The following HPSE2 variants were observed in gnomAD, a reference collection of about 807,000 sequenced individuals.
HPSE2 encodes heparanase 2 (inactive), also known as inactive heparanase-2.
In HPSE2, 38 loss-of-function variants were observed where a neutral mutation model predicts 60.5. The observed-to-expected ratio is 0.63, with a 90% CI of 0.48 to 0.82. HPSE2 has a LOEUF of 0.82. Ranked by LOEUF, HPSE2 falls within the 40% of genes least tolerant of loss-of-function variation. HPSE2 has a pLI of 0.00. For synonymous variants in HPSE2, 295 were observed against 293.2 expected (o/e 1.01, Z -0.06); for missense variants, 713 against 740.4 (o/e 0.96, Z 0.43).
At chr10:98,606,358 CT>C (rs1945586190) in intron 9 of HPSE2, among the ~76,000 whole-genome samples, 1 of 152,214 alleles carries the variant, frequency 6.6e-6, no homozygotes, top group Non-Finnish European at 1.5e-5. Context: ...ATCACTTGGA[CT>C]TTAAAAAAAT....
At chr10:98,791,696 C>A (rs1440741735) in intron 3 of HPSE2, among the ~76,000 whole-genome samples, 2 of 152,128 alleles carry the variant, frequency 1.3e-5, no homozygotes, top group African/African-American at 4.8e-5. Context: ...GCACTTATTT[C>A]TTTTCAAAAT....
chr10:98,598,656 C>A (rs1945313730), intron 9 of HPSE2, among the ~76,000 whole-genome samples: 1 of 152,118 alleles, frequency 6.6e-6, no homozygotes, highest in Non-Finnish European at 1.5e-5. Context: ...TGGGACAGGC[C>A]TGAAGCCTGA....
chr10:98,631,452 G>A (rs1324323441), intron 7 of HPSE2, among the ~76,000 whole-genome samples: 1 of 152,100 alleles, frequency 6.6e-6, no homozygotes, highest in South Asian at 2.1e-4. Context: ...ATTACTCTTC[G>A]TCTCTTTCCC....
At chr10:99,083,199 G>C (rs1843205062) in intron 3 of HPSE2, among the ~76,000 whole-genome samples, 1 of 152,158 alleles carries the variant, frequency 6.6e-6, no homozygotes, top group African/African-American at 2.4e-5. Flanking sequence ...TGGGACAAAG[G>C]AACAGCCTTA....
chr10:99,097,916 ACT>A (rs1213779561), intron 3 of HPSE2, among the ~76,000 whole-genome samples: 4 of 152,208 alleles, frequency 2.6e-5, no homozygotes, highest in Admixed American at 1.3e-4. Flanking sequence ...AGGAAAAGTC[ACT>A]GTCTCCTCAT....
chr10:98,715,338 T>G (rs563539440), intron 5 of HPSE2, among the ~76,000 whole-genome samples: 1 of 152,030 alleles, frequency 6.6e-6, no homozygotes, highest in Non-Finnish European at 1.5e-5. Flanking sequence ...AGCTTTTTCA[T>G]GGAAATTGCT....
chr10:98,983,956 T>G (rs530502425), intron 3 of HPSE2, among the ~76,000 whole-genome samples: 1 of 152,218 alleles, frequency 6.6e-6, no homozygotes, highest in African/African-American at 2.4e-5. Flanking sequence ...GGGGCGACCC[T>G]CATTGCCCAG....
intron 3 of HPSE2, among the ~76,000 whole-genome samples, chr10:98,827,746 T>C (rs10786476): frequency 0.038 from 5,822 of 152,330 alleles, 246 homozygotes; most frequent in East Asian, 0.17. Context: ...TTAAGGTTGC[T>C]GAAGCCAGGT....
At chr10:98,570,917 T>C (rs750852751) in intron 9 of HPSE2, among the ~76,000 whole-genome samples, 1 of 152,190 alleles carries the variant, frequency 6.6e-6, no homozygotes, top group Non-Finnish European at 1.5e-5. Flanking sequence ...ATGTTTAAAG[T>C]TCGTAGTGCT....
intron 6 of HPSE2, among the ~76,000 whole-genome samples, chr10:98,643,265 A>G (rs1946683422): frequency 6.6e-6 from 1 of 152,284 alleles, no homozygotes; most frequent in Admixed American, 6.5e-5. Flanking sequence ...TAAATGGGGG[A>G]TAATATATCT....
intron 9 of HPSE2, among the ~76,000 whole-genome samples, chr10:98,581,155 G>A (rs1187998722): frequency 1.3e-5 from 2 of 151,674 alleles, no homozygotes; most frequent in Non-Finnish European, 2.9e-5. Flanking sequence ...CACCCACCTC[G>A]ACTTCCCAAA....
intron 2 of HPSE2, 108 bp downstream of exon 2, chr10:99,232,240 C>T: frequency 1.5e-6 from 2 of 1,317,876 alleles, no homozygotes; most frequent in Non-Finnish European, 2.1e-6. Flanking sequence ...CACACACACA[C>T]ACACACACAC....
At chr10:98,514,866 C>G (rs1365043869) in intron 9 of HPSE2, among the ~76,000 whole-genome samples, 1 of 151,530 alleles carries the variant, frequency 6.6e-6, no homozygotes, top group African/African-American at 2.4e-5. Flanking sequence ...TTACAGGCAC[C>G]CACCACCACA....
At position 98,895,417 on chromosome 10, in the gene HPSE2, T is replaced by C. The variant is rs537303885; in HGVS notation, c.611-151361A>G. On this transcript the variant is annotated intron_variant, in intron 3 of 11. Transcript: ENST00000370552. ...GCCACAGAGTCCATGTAGCTGAAAA[T>C]TGAATGCAGAATCCAATTCTGTGTG... is the stretch of plus-strand genomic sequence containing the variant. 2.9e-3 allele frequency among the ~76,000 whole-genome samples: 439 copies of C among 152,246 alleles called. 1 individual carries two copies. The highest frequency in any genetic ancestry group is 5.2e-3 in the Non-Finnish European group (354 of 67,998).
intron 9 of HPSE2, 56 bp downstream of exon 9, chr10:98,614,848 A>G: frequency 8.5e-7 from 1 of 1,180,170 alleles, no homozygotes. Context: ...ACAAGGCATG[A>G]TCAAAAGAAC....
chr10:98,860,466 A>G (rs1046675380), intron 3 of HPSE2, among the ~76,000 whole-genome samples: 2 of 152,348 alleles, frequency 1.3e-5, no homozygotes, highest in East Asian at 1.9e-4. Context: ...GCTAATATTT[A>G]TGAGTTAAGA....
chr10:98,529,796 A>G (rs1943077567), intron 9 of HPSE2, among the ~76,000 whole-genome samples: 1 of 152,152 alleles, frequency 6.6e-6, no homozygotes. Flanking sequence ...TCCTGCACAA[A>G]TTGGATGTGC....
At position 98,771,468 on chromosome 10, in the gene HPSE2, A is replaced by G. The variant is rs529090631; in HGVS notation, c.611-27412T>C. Among the ~76,000 whole-genome samples the G allele has an allele frequency of 5.3e-5, 8 of 152,294 alleles. No homozygotes were observed. In the East Asian group the frequency reaches 1.5e-3, roughly 29 times the overall value. ...AAACCTGGCAGAAGCCTATCCCTGC[A>G]AGGCAACAGTTGATCCCTTTGGGAG... On this transcript the variant is annotated intron_variant, in intron 3 of 11. Coordinates refer to ENST00000370552, the MANE Select transcript of HPSE2 (RefSeq NM_021828.5).
intron 9 of HPSE2, among the ~76,000 whole-genome samples, chr10:98,604,028 C>G (rs542826327): frequency 9.2e-5 from 14 of 152,236 alleles, no homozygotes; most frequent in East Asian, 3.9e-4. Flanking sequence ...CCTCTCCCCC[C>G]ATACCTTACC....
Sources: allele counts gnomAD v4.1 joint callset (sites outside exome capture counted in the v4.1 genomes callset), GRCh38; gene constraint gnomAD v4.1.1; transcripts MANE v1.5; gene names NCBI Gene and HGNC (gene_info 2026-07-23, HGNC 2026-07-21).